COL15A1: variants seen among roughly 807,000 people sequenced by gnomAD.
COL15A1 encodes collagen type XV alpha 1 chain.
In COL15A1, 111 loss-of-function variants were observed where a neutral mutation model predicts 165.9. That is an observed-to-expected ratio of 0.67 (90% CI 0.57 to 0.78). The LOEUF is 0.78. Ranked by LOEUF, COL15A1 falls within the 30% of genes least tolerant of loss-of-function variation. The pLI is 0.00. For missense variants in COL15A1, 1,745 were observed against 1,789.7 expected, an observed-to-expected ratio of 0.98 and a Z score of 0.45; for synonymous variants, 659 against 674.8, an observed-to-expected ratio of 0.98 and a Z score of 0.36.
intron 2 of COL15A1, among the ~76,000 whole-genome samples, chr9:98,963,228 C>A (rs1337396346): frequency 6.6e-6 from 1 of 152,146 alleles, no homozygotes; most frequent in African/African-American, 2.4e-5. Flanking sequence ...CATTTATGCA[C>A]CTTAGGTAGC....
Position 99,032,553 on chromosome 9 carries a change from G to T in COL15A1, c.2044-1996G>T, listed in dbSNP as rs933384944. On this transcript the variant is annotated intron_variant, in intron 16 of 41. Coordinates refer to ENST00000375001, the MANE Select transcript of COL15A1 (RefSeq NM_001855.5). ...TCTTGGTACTCTATGGACTTTTTTT[G>T]GGGGGAGGGGTGCCTTTTAATCTGG... 2.0e-5 allele frequency among the ~76,000 whole-genome samples: 3 copies of T among 151,926 alleles called. No individual in the cohort carries two copies. The South Asian group carries it at 6.2e-4, about 31-fold the overall frequency.
At chr9:99,042,610 T>C (rs990173013) in intron 24 of COL15A1, among the ~76,000 whole-genome samples, 9 of 152,224 alleles carry the variant, frequency 5.9e-5, no homozygotes, top group Non-Finnish European at 1.2e-4. Flanking sequence ...GGTATACAAA[T>C]GGTACTGAAT....
intron 5 of COL15A1, among the ~76,000 whole-genome samples, chr9:98,991,821 T>C (rs1250625893): frequency 6.6e-6 from 1 of 151,762 alleles, no homozygotes; most frequent in African/African-American, 2.4e-5. Flanking sequence ...TGTTGATTGG[T>C]GTGTTTACAA....
At chr9:98,946,099 C>T (rs1000944201) in intron 2 of COL15A1, among the ~76,000 whole-genome samples, 3 of 152,218 alleles carry the variant, frequency 2.0e-5, no homozygotes, top group Non-Finnish European at 2.9e-5. Context: ...CTGCAAACTG[C>T]ATTTGTAATG....
At chr9:99,068,960 G>T (rs1239916153) in intron 41 of COL15A1, among the ~76,000 whole-genome samples, 2 of 152,178 alleles carry the variant, frequency 1.3e-5, no homozygotes, top group East Asian at 1.9e-4. Flanking sequence ...AGAATAAAAT[G>T]AATATATGTG....
chr9:99,024,885 A>G lies in COL15A1; in HGVS notation c.1866A>G (p.Gly622=). The change falls in exon 15 of 42, where the codon GGA becomes GGG. Residue 622 remains glycine (G), a synonymous_variant. Coordinates refer to ENST00000375001, the MANE Select transcript of COL15A1 (RefSeq NM_001855.5). ...CTTTGTGTTTTTAGGGTCCTCCAGG[A>G]CCCCCAGGGCCACCTGGCTTACCTG... is the stretch of plus-strand genomic sequence containing the variant. The part of the protein sequence containing the change: ...GSEQLLRGPP[G]PPGPPGLPGI... The G allele has an allele frequency of 1.2e-6, 2 of 1,612,740 alleles. No homozygotes were observed. The highest frequency in any genetic ancestry group is 1.1e-5 in the South Asian group (1 of 90,922).
Position 99,062,305 on chromosome 9 carries a change from G to A in COL15A1, c.3591+1G>A, listed in dbSNP as rs774504402. 21 of 1,607,340 alleles carry A rather than the reference G, an allele frequency of 1.3e-5. No homozygotes were observed. Among genetic ancestry groups the A allele is most frequent in the Admixed American group, 3.3e-5 (2 of 59,978 alleles). ...TCCACCCCCTGCGCTTTCCAGCAAC[G>A]TGAGTAGTTACCCTGTTGGACTGCT... On this transcript the variant is annotated splice_donor_variant, in intron 38 of 41. Transcript: ENST00000375001. LOFTEE classifies it high-confidence loss of function.
At position 98,943,929 on chromosome 9, in the gene COL15A1, C is replaced by T; in HGVS notation, c.-133C>T. On this transcript the variant is annotated 5_prime_UTR_variant, in exon 1 of 42. Transcript: ENST00000375001. ...GGGATTCTGCCCGCCGCCGCCGCTG[C>T]CGAGCGCCGCCTTTGTTCCCTGCAG... 3 of 1,225,854 alleles carry T rather than the reference C, an allele frequency of 2.4e-6. No homozygotes were observed. The highest frequency in any genetic ancestry group is 3.2e-6 in the Non-Finnish European group (3 of 924,558). The allele number at this position is 1,225,854 out of a possible 1,614,324, so 75.9% of individuals were successfully genotyped here.
At chr9:99,014,947 G>T (rs1475697002) in intron 9 of COL15A1, among the ~76,000 whole-genome samples, 1 of 152,190 alleles carries the variant, frequency 6.6e-6, no homozygotes, top group Non-Finnish European at 1.5e-5. Flanking sequence ...TTATCTCCGT[G>T]AGCAGAGGGG....
intron 11 of COL15A1, among the ~76,000 whole-genome samples, chr9:99,019,247 G>A (rs1177237367): frequency 6.6e-6 from 1 of 152,188 alleles, no homozygotes; most frequent in African/African-American, 2.4e-5. Flanking sequence ...AGACTAGAGT[G>A]CAGTGGCGTG....
intron 2 of COL15A1, among the ~76,000 whole-genome samples, chr9:98,973,041 C>A (rs760794360): frequency 1.3e-5 from 2 of 152,150 alleles, no homozygotes; most frequent in Non-Finnish European, 2.9e-5. Flanking sequence ...GCAGAAGGAA[C>A]GGGTAAGAGG....
rs761402864 is a variant in COL15A1 at position 99,032,829 on chromosome 9, C to T, written c.2044-1720C>T. On this transcript the variant is annotated intron_variant, in intron 16 of 41. Coordinates refer to ENST00000375001, the MANE Select transcript of COL15A1 (RefSeq NM_001855.5). Reference sequence around the variant, plus strand: ...TGTTATGCAGTCCTTCTGCAGAGTTCTGCATTTCGACAGTTTTCTATTTAT... The same window carrying T: ...TGTTATGCAGTCCTTCTGCAGAGTTTTGCATTTCGACAGTTTTCTATTTAT... Among the ~76,000 whole-genome samples the T allele has an allele frequency of 3.0e-4, 45 of 152,320 alleles. 1 individual carries two copies. The highest frequency in any genetic ancestry group is 1.6e-4 in the Non-Finnish European group (11 of 68,032).
intron 36 of COL15A1, 89 bp downstream of exon 36, chr9:99,060,042 C>G: frequency 7.0e-7 from 1 of 1,435,242 alleles, no homozygotes; most frequent in South Asian, 1.3e-5. Flanking sequence ...TCTGACATCC[C>G]TTGGGGATCA....
intron 2 of COL15A1, among the ~76,000 whole-genome samples, chr9:98,949,110 T>C (rs1313350091): frequency 6.6e-6 from 1 of 152,212 alleles, no homozygotes; most frequent in Non-Finnish European, 1.5e-5. Flanking sequence ...AATTCTGAAG[T>C]TCTGTTTTAC....
At chr9:98,944,304 G>A (rs1463046630) in intron 2 of COL15A1, 54 bp downstream of exon 2, 1 of 1,564,328 alleles carries the variant, frequency 6.4e-7, no homozygotes, top group African/African-American at 1.4e-5. Flanking sequence ...CGTGGGGGAA[G>A]TCGGTTTTGG....
At chr9:98,993,081 TGCCACTTACTA>T (rs896891702) in intron 5 of COL15A1, among the ~76,000 whole-genome samples, 1 of 152,226 alleles carries the variant, frequency 6.6e-6, no homozygotes, top group African/African-American at 2.4e-5. Context: ...ATCCCAGCTC[TGCCACTTACTA>T]GCTCTTGACC....
chr9:99,040,615 T>G, intron 23 of COL15A1, 59 bp downstream of exon 23: 1 of 1,613,946 alleles, frequency 6.2e-7, no homozygotes, highest in South Asian at 1.1e-5. Context: ...ATTCTGTTCC[T>G]TCCACCTAGA....
chr9:99,012,647 T>G (rs1838864621), intron 9 of COL15A1, among the ~76,000 whole-genome samples: 2 of 151,594 alleles, frequency 1.3e-5, no homozygotes. Flanking sequence ...ACAGAGTGCC[T>G]GAAAGAGGGT....
intron 2 of COL15A1, among the ~76,000 whole-genome samples, chr9:98,977,416 T>C (rs1838158151): frequency 1.3e-5 from 2 of 152,214 alleles, no homozygotes; most frequent in Admixed American, 6.5e-5. Flanking sequence ...CCCTCCCTGG[T>C]GGCTGCCTAA....
Sources: allele counts gnomAD v4.1 joint callset (sites outside exome capture counted in the v4.1 genomes callset), GRCh38; gene constraint gnomAD v4.1.1; transcripts MANE v1.5; gene names NCBI Gene and HGNC (gene_info 2026-07-23, HGNC 2026-07-21).